ME3: variants seen among roughly 807,000 people sequenced by gnomAD.
The protein encoded by ME3 is malic enzyme 3.
ME3 carries 48 observed loss-of-function variants against 68.9 expected under a neutral mutation model. The observed-to-expected ratio is 0.70, with a 90% CI of 0.55 to 0.89. ME3 has a LOEUF of 0.89. Among genes scored for constraint, ME3 ranks in the 40% least tolerant of loss-of-function variants. The probability of loss-of-function intolerance (pLI) is 0.00; values close to 1 mark genes in which losing one functional copy is unlikely to be tolerated. For synonymous variants in ME3, 320 were observed against 318.8 expected, an observed-to-expected ratio of 1.00 and a Z score of -0.04; for missense variants, 675 against 797.4, an observed-to-expected ratio of 0.85 and a Z score of 1.85.
At chr11:86,560,726 A>ATGTGTG (rs763026313) in intron 2 of ME3, among the ~76,000 whole-genome samples, 1 of 106,060 alleles carries the variant, frequency 9.4e-6, no homozygotes, top group African/African-American at 3.9e-5. Context: ...GTGTGTGTGT[A>ATGTGTG]TGTGTGTGTG....
At chr11:86,640,179 A>G (rs1371084479) in intron 2 of ME3, among the ~76,000 whole-genome samples, 4 of 152,218 alleles carry the variant, frequency 2.6e-5, no homozygotes, top group Admixed American at 6.5e-5. Flanking sequence ...GCATGACAAT[A>G]TTTTGGTGCT....
At chr11:86,642,467 T>G (rs1055099403) in intron 2 of ME3, among the ~76,000 whole-genome samples, 8 of 152,138 alleles carry the variant, frequency 5.3e-5, no homozygotes, top group Admixed American at 2.6e-4. Flanking sequence ...ATAACCAGAG[T>G]GTTGCTTTAT....
chr11:86,525,971 T>C (rs1032725095), intron 4 of ME3, among the ~76,000 whole-genome samples: 2 of 152,122 alleles, frequency 1.3e-5, no homozygotes, highest in Admixed American at 6.5e-5. Context: ...TTTCTGCATT[T>C]CCAACTGAGG....
At chr11:86,583,306 T>C (rs1350345704) in intron 2 of ME3, among the ~76,000 whole-genome samples, 1 of 152,218 alleles carries the variant, frequency 6.6e-6, no homozygotes, top group Admixed American at 6.5e-5. Flanking sequence ...ATTAGGTTGA[T>C]GCAAAAGTAA....
intron 4 of ME3, among the ~76,000 whole-genome samples, chr11:86,513,073 A>G (rs1235985626): frequency 6.6e-6 from 1 of 152,206 alleles, no homozygotes; most frequent in African/African-American, 2.4e-5. Flanking sequence ...TCCATGCACT[A>G]TTTTAGACCT....
At chr11:86,620,047 AAAT>A (rs2135259124) in intron 2 of ME3, among the ~76,000 whole-genome samples, 1 of 152,250 alleles carries the variant, frequency 6.6e-6, no homozygotes, top group East Asian at 1.9e-4. Flanking sequence ...ACACAAAAAT[AAAT>A]AATAAAAAGT....
intron 4 of ME3, among the ~76,000 whole-genome samples, chr11:86,549,059 T>C (rs1956529909): frequency 6.6e-6 from 1 of 152,232 alleles, no homozygotes. Context: ...TAACAAGCCC[T>C]CCAGGTGATT....
At chr11:86,630,081 A>G (rs1313922643) in intron 2 of ME3, among the ~76,000 whole-genome samples, 1 of 152,144 alleles carries the variant, frequency 6.6e-6, no homozygotes, top group Admixed American at 6.5e-5. Flanking sequence ...TACATCCCCT[A>G]TTGAATAGAG....
At chr11:86,509,756 C>A (rs1163413217) in intron 4 of ME3, among the ~76,000 whole-genome samples, 187 of 102,312 alleles carry the variant, frequency 1.8e-3, no homozygotes, top group East Asian at 3.1e-3. Flanking sequence ...GGGGGATTGG[C>A]AAAAAAAAAA....
At chr11:86,564,417 C>CTT (rs201493163) in intron 2 of ME3, among the ~76,000 whole-genome samples, 2 of 138,758 alleles carry the variant, frequency 1.4e-5, no homozygotes, top group African/African-American at 5.3e-5. Context: ...CAGCCAAAAT[C>CTT]TTTTTTTTTA....
At chr11:86,615,284 TA>T (rs1473398253) in intron 2 of ME3, among the ~76,000 whole-genome samples, 1 of 152,222 alleles carries the variant, frequency 6.6e-6, no homozygotes, top group African/African-American at 2.4e-5. Flanking sequence ...AGAAATCATC[TA>T]GTACAGGATT....
At chr11:86,494,764 A>C (rs1400073385) in intron 6 of ME3, among the ~76,000 whole-genome samples, 3 of 152,214 alleles carry the variant, frequency 2.0e-5, no homozygotes, top group Non-Finnish European at 4.4e-5. Context: ...AGAACATTCT[A>C]TTCAGGCTGA....
At chr11:86,439,150 C>T (rs1948912880), downstream of ME3, among the ~76,000 whole-genome samples, 1 of 152,194 alleles carries the variant, frequency 6.6e-6, no homozygotes, top group Non-Finnish European at 1.5e-5. Context: ...TTAAATGTTA[C>T]TCTCATCCAA....
chr11:86,575,062 G>T (rs1958024086), intron 2 of ME3, among the ~76,000 whole-genome samples: 1 of 147,038 alleles, frequency 6.8e-6, no homozygotes, highest in Non-Finnish European at 1.5e-5. Context: ...TGCTTTCAGT[G>T]TATGGGAAGC....
chr11:86,671,675 G>A, intron 2 of ME3, 87 bp downstream of exon 2: 1 of 1,516,246 alleles, frequency 6.6e-7, no homozygotes, highest in African/African-American at 1.4e-5. Flanking sequence ...CGCCCGGGAG[G>A]ATCCTTTCTG....
chr11:86,651,629 A>G (rs1052203820), intron 2 of ME3, among the ~76,000 whole-genome samples: 1 of 152,208 alleles, frequency 6.6e-6, no homozygotes, highest in African/African-American at 2.4e-5. Context: ...AGTAGATAAA[A>G]CCACAAAGAT....
chr11:86,576,511 ACTT>A (rs1958125080), intron 2 of ME3, among the ~76,000 whole-genome samples: 1 of 152,090 alleles, frequency 6.6e-6, no homozygotes, highest in African/African-American at 2.4e-5. Flanking sequence ...CAGGAGGACC[ACTT>A]CTTCCATGTG....
chr11:86,595,469 G>C (rs116185028), intron 2 of ME3, among the ~76,000 whole-genome samples: 1 of 117,098 alleles, frequency 8.5e-6, no homozygotes, highest in South Asian at 3.0e-4. Context: ...TATAAAGCCA[G>C]GATCTGATCC....
chr11:86,506,781 G>A (rs1356069234), intron 5 of ME3, among the ~76,000 whole-genome samples: 1 of 152,184 alleles, frequency 6.6e-6, no homozygotes, highest in Non-Finnish European at 1.5e-5. Context: ...AGGAATGTGA[G>A]TGAAAGAGAT....
Sources: allele counts gnomAD v4.1 joint callset (sites outside exome capture counted in the v4.1 genomes callset), GRCh38; gene constraint gnomAD v4.1.1; transcripts MANE v1.5; gene names NCBI Gene and HGNC (gene_info 2026-07-23, HGNC 2026-07-21).